The following EXOC7 variants were observed in gnomAD, a reference collection of about 807,000 sequenced individuals.
EXOC7 encodes the protein exocyst complex component Exo70.
Under a neutral mutation model 87.6 loss-of-function variants are expected in EXOC7, and 51 were observed. The ratio of observed to expected loss-of-function variants is 0.58; its 90% CI spans 0.46 to 0.73. The LOEUF is 0.73. Ranked by LOEUF, EXOC7 falls within the 30% of genes least tolerant of loss-of-function variation. EXOC7 has a pLI of 0.00. For missense variants in EXOC7, 744 were observed against 888.4 expected (o/e 0.84, Z 2.07); for synonymous variants, 327 against 357.1 (o/e 0.92, Z 0.95).
Position 76,088,928 on chromosome 17 carries a change from G to T in EXOC7, c.1048-5C>A. On this transcript the variant is annotated splice_region_variant and splice_polypyrimidine_tract_variant and intron_variant, in intron 8 of 18. Transcript: ENST00000589210. Reference sequence around the variant, plus strand: ...CATCAGCCCATCCAGGGCATCCTGAGGGGGCAGGGAGACAGTTCAGGGAAG... The same window carrying T: ...CATCAGCCCATCCAGGGCATCCTGATGGGGCAGGGAGACAGTTCAGGGAAG... 3 of 1,612,212 alleles carry T rather than the reference G, an allele frequency of 1.9e-6. No homozygotes were observed. Among genetic ancestry groups the T allele is most frequent in the Non-Finnish European group, 2.5e-6 (3 of 1,179,858 alleles).
intron 7 of EXOC7, chr17:76,090,473 G>T: frequency 6.4e-7 from 1 of 1,551,492 alleles, no homozygotes; most frequent in South Asian, 1.2e-5. Context: ...GGGGTACAGG[G>T]AAGAAGCCCT....
rs2068185628 is a variant in EXOC7, at chr17:76,103,557, CATGAGTAGACA to C, written c.60+65_60+75del. The C allele has an allele frequency of 3.8e-6, 6 of 1,594,822 alleles. No homozygotes were observed. In the Admixed American group the frequency reaches 1.1e-4, roughly 28 times the overall value. On this transcript the variant is annotated intron_variant, in intron 1 of 18. Transcript: ENST00000589210. ...CGCTCCCTCCCACCCCTGCCTCCTC[CATGAGTAGACA>C]ATCAGGCCCCGCTGTTGGCCCCTTT...
At chr17:76,085,649 C>T (rs748063517) in intron 14 of EXOC7, 28 bp downstream of exon 14, 37 of 1,613,780 alleles carry the variant, frequency 2.3e-5, no homozygotes, top group South Asian at 9.9e-5. Context: ...AGGTGAGAGC[C>T]GCAGACTCAC....
chr17:76,083,603 A>C lies in EXOC7; in HGVS notation c.*45T>G. ...CAAGCTAACACTGGTTTATCTGTCC[A>C]ATGACACGCCAGTCTGGTGGAACCA... On this transcript the variant is annotated 3_prime_UTR_variant, in exon 19 of 19. Transcript: ENST00000589210. 1 of 1,591,660 alleles carries C rather than the reference A, an allele frequency of 6.3e-7. No individual in the cohort carries two copies. Among genetic ancestry groups the C allele is most frequent in the Non-Finnish European group, 8.6e-7 (1 of 1,159,868 alleles).
Position 76,091,310 on chromosome 17 carries a change from A to G in EXOC7, c.809-75T>C. 13 of 1,317,034 alleles carry G rather than the reference A, an allele frequency of 9.9e-6. No individual in the cohort carries two copies. The South Asian group carries it at 1.6e-4, about 16-fold the overall frequency. 81.6% of individuals were successfully genotyped at this position (1,317,034 alleles called of 1,614,324 possible). ...TGAGAGAAAACAGCAGCGGCCCTCCACCTGCCCCCCAGGCCCCGCACCCAG... is the reference window on the plus strand; with the variant it reads ...TGAGAGAAAACAGCAGCGGCCCTCCGCCTGCCCCCCAGGCCCCGCACCCAG... On this transcript the variant is annotated intron_variant, in intron 6 of 18. Transcript: ENST00000589210.
chr17:76,081,651 T>C lies in EXOC7; in HGVS notation c.*1997A>G, dbSNP rs1184307264. 3.1e-6 allele frequency: 5 copies of C among 1,614,150 alleles called. No individual in the cohort carries two copies. Among genetic ancestry groups the C allele is most frequent in the South Asian group, 1.1e-5 (1 of 91,090 alleles). ...GGGGGGTTGCTGCCCCTCCGGGCCA[T>C]TGAGCGCATAGGCTACAAGGTGACA... On this transcript the variant is annotated 3_prime_UTR_variant, in exon 19 of 19. Coordinates refer to ENST00000589210, the MANE Select transcript of EXOC7 (RefSeq NM_001013839.4).
chr17:76,102,145 C>G (rs958209364), intron 2 of EXOC7, among the ~76,000 whole-genome samples: 1 of 152,186 alleles, frequency 6.6e-6, no homozygotes, highest in African/African-American at 2.4e-5. Context: ...GGCTTCCCTT[C>G]CACCCTTTGA....
At chr17:76,095,362 G>A (rs937966059) in intron 5 of EXOC7, among the ~76,000 whole-genome samples, 6 of 150,824 alleles carry the variant, frequency 4.0e-5, no homozygotes, top group South Asian at 2.1e-4. Context: ...TCTGCCTCCC[G>A]GGTTAAAGTG....
chr17:76,097,000 C>T (rs1007251555), intron 5 of EXOC7, among the ~76,000 whole-genome samples: 4 of 152,146 alleles, frequency 2.6e-5, no homozygotes, highest in African/African-American at 9.7e-5. Context: ...TGCAGGCATG[C>T]GTCACCACAC....
chr17:76,087,714 G>A lies in EXOC7; in HGVS notation c.1369C>T (p.Leu457Phe). ...TVHELTSNAI[L>F]FLQQLLDFQE... ...AAGTCCAAAAGCTGCTGCAGGAAGA[G>A]GATGGCCTGGGTGGGAAGAAAACGG... The change falls in exon 12 of 19, where the codon CTC (leucine) becomes TTC (phenylalanine). Residue 457 changes from leucine to phenylalanine, a missense_variant. Coordinates refer to ENST00000589210, the MANE Select transcript of EXOC7 (RefSeq NM_001013839.4). 1.3e-6 allele frequency: 2 copies of A among 1,551,268 alleles called. No individual in the cohort carries two copies. Among genetic ancestry groups the A allele is most frequent in the Non-Finnish European group, 1.7e-6 (2 of 1,147,018 alleles).
chr17:76,101,645 T>C (rs2068067078), intron 3 of EXOC7, 34 bp downstream of exon 3: 1 of 1,580,232 alleles, frequency 6.3e-7, no homozygotes, highest in Non-Finnish European at 8.6e-7. Context: ...CCAGGAGGCA[T>C]TAGGAATTGA....
chr17:76,094,484 C>A lies in EXOC7; in HGVS notation c.738G>T (p.Gly246=). 1 of 1,614,118 alleles carries A rather than the reference C, an allele frequency of 6.2e-7. No individual in the cohort carries two copies. Among genetic ancestry groups the A allele is most frequent in the Non-Finnish European group, 8.5e-7 (1 of 1,180,012 alleles). ...EHFHKSSSSS[G]VPYSPAIPNK... is the part of the protein sequence containing the mutation. ...TGGGGATAGCAGGGGAGTAGGGAACCCCAGAGGAAGAACTGCTCTTATGGA... is the reference window on the plus strand; with the variant it reads ...TGGGGATAGCAGGGGAGTAGGGAACACCAGAGGAAGAACTGCTCTTATGGA... Residue 246 remains glycine, a synonymous_variant, in exon 6 of 19, where the codon GGG becomes GGT. Coordinates refer to ENST00000589210, the MANE Select transcript of EXOC7 (RefSeq NM_001013839.4).
intron 3 of EXOC7, 69 bp from the exon 4 acceptor site, chr17:76,101,445 G>A (rs1459052927): frequency 1.3e-6 from 2 of 1,571,466 alleles, no homozygotes; most frequent in African/African-American, 2.7e-5. Context: ...CACAGTATTT[G>A]GGAAAAAGAA....
At position 76,082,728 on chromosome 17, in the gene EXOC7, C is replaced by A; in HGVS notation, c.*920G>T. ...GGCTGGGGGCGGGCCATGACAGGGCCTCTGGATTAAGCCACCCTGAGCTCT... is the reference window on the plus strand; with the variant it reads ...GGCTGGGGGCGGGCCATGACAGGGCATCTGGATTAAGCCACCCTGAGCTCT... On this transcript the variant is annotated 3_prime_UTR_variant, in exon 19 of 19. Coordinates refer to ENST00000589210, the MANE Select transcript of EXOC7 (RefSeq NM_001013839.4). 6.9e-7 allele frequency: 1 copy of A among 1,446,826 alleles called. No homozygotes were observed. Among genetic ancestry groups the A allele is most frequent in the Non-Finnish European group, 9.2e-7 (1 of 1,088,462 alleles). 89.6% of individuals were successfully genotyped at this position (1,446,826 alleles called of 1,614,324 possible).
In EXOC7 at chr17:76,103,569, A is replaced by C. The variant is rs2068186297; in HGVS notation, c.60+64T>G. The C allele has an allele frequency of 1.6e-5, 26 of 1,601,100 alleles. No homozygotes were observed. The South Asian group carries it at 2.9e-4, about 18-fold the overall frequency. ...CCCCTGCCTCCTCCATGAGTAGACAATCAGGCCCCGCTGTTGGCCCCTTTC... is the reference window on the plus strand; with the variant it reads ...CCCCTGCCTCCTCCATGAGTAGACACTCAGGCCCCGCTGTTGGCCCCTTTC... On this transcript the variant is annotated intron_variant, in intron 1 of 18. Coordinates refer to ENST00000589210, the MANE Select transcript of EXOC7 (RefSeq NM_001013839.4).
Position 76,098,012 on chromosome 17 carries a change from G to A in EXOC7, c.424C>T (p.Leu142Phe). 1 of 1,614,126 alleles carries A rather than the reference G, an allele frequency of 6.2e-7. No homozygotes were observed. Among genetic ancestry groups the A allele is most frequent in the Non-Finnish European group, 8.5e-7 (1 of 1,179,978 alleles). ...AGGGCCTCCTTCCCGCGCTCAAAGA[G>A]CAGTTTCTGCACAGACAACAGAAGG... Reference protein sequence around the residue: ...DSPELNKVKLLFERGKEALES... With the variant: ...DSPELNKVKLFFERGKEALES... The change falls in exon 5 of 19, where the codon CTC becomes TTC. Residue 142 changes from leucine (L) to phenylalanine (F), a missense_variant. By Grantham distance (22) the Leu-to-Phe change is conservative. Coordinates refer to ENST00000589210, the MANE Select transcript of EXOC7 (RefSeq NM_001013839.4).
chr17:76,090,620 T>G, intron 7 of EXOC7: 1 of 744,954 alleles, frequency 1.3e-6, no homozygotes, highest in Non-Finnish European at 2.1e-6. Flanking sequence ...GGACCGTCCT[T>G]AGCTGCTCAT....
chr17:76,081,974 G>A lies in EXOC7; in HGVS notation c.*1674C>T. The stretch of plus-strand genomic sequence containing the variant: ...GCTGCTGGCCCGGGGCAACCTTGGG[G>A]CCAAGAGCGGCCCCAGCCCAGCCCC... On this transcript the variant is annotated 3_prime_UTR_variant, in exon 19 of 19. Transcript: ENST00000589210. 2 of 1,612,502 alleles carry A rather than the reference G, an allele frequency of 1.2e-6. No homozygotes were observed. The highest frequency in any genetic ancestry group is 1.7e-6 in the Non-Finnish European group (2 of 1,179,736).
chr17:76,084,852 G>T (rs2067139744), intron 15 of EXOC7: 2 of 524,374 alleles, frequency 3.8e-6, no homozygotes, highest in East Asian at 3.3e-5. Context: ...AAACTAAGAT[G>T]GAGAAACAGA....
Sources: gnomAD v4.1 joint callset for allele counts (sites outside exome capture counted in the v4.1 genomes callset) on GRCh38, gnomAD v4.1.1 for gene constraint, MANE v1.5 for transcripts, NCBI Gene and HGNC (gene_info 2026-07-23, HGNC 2026-07-21) for gene names.